Variants in DDR2 observed in about 807,000 individuals in gnomAD.
The protein encoded by DDR2 is discoidin domain-containing receptor 2.
Under a neutral mutation model 94.9 loss-of-function variants are expected in DDR2, and 27 were observed. The observed-to-expected ratio is 0.28, with a 90% CI of 0.21 to 0.39. The LOEUF (loss-of-function observed/expected upper bound fraction) is 0.39. Among genes scored for constraint, DDR2 ranks in the 10% least tolerant of loss-of-function variants. DDR2 has a pLI of 1.00. For missense variants in DDR2, 783 were observed against 1,076.0 expected, an observed-to-expected ratio of 0.73 and a Z score of 3.81; for synonymous variants, 382 against 377.2, an observed-to-expected ratio of 1.01 and a Z score of -0.15.
chr1:162,719,099 C>T lies in DDR2; in HGVS notation c.36C>T (p.Phe12=). 1 of 1,613,866 alleles carries T rather than the reference C, an allele frequency of 6.2e-7. No individual in the cohort carries two copies. The highest frequency in any genetic ancestry group is 8.5e-7 in the Non-Finnish European group (1 of 1,179,818). The stretch of plus-strand genomic sequence containing the variant: ...TTCCCAGAATGCTCTTGGTGCTGTT[C>T]CTGCTGCTGCCTATCTTGAGTTCTG... ...ILIPRMLLVL[F]LLLPILSSAK... The change falls in exon 3 of 18, where the codon TTC becomes TTT. Residue 12 remains phenylalanine (F), a synonymous_variant. Transcript: ENST00000367921.
In DDR2 at chr1:162,775,707, A is replaced by G. The variant is rs1057519789; in HGVS notation, c.1912A>G (p.Ile638Val). The part of the protein sequence containing the change: ...IMSRLKDPNI[I>V]HLLAVCITDD... ...GTCTCGGCTCAAGGACCCAAACATC[A>G]TCCATCTATTAGCTGTGTGTATCAC... The change falls in exon 15 of 18, where the codon ATC (isoleucine) becomes GTC (valine). Residue 638 changes from isoleucine (I) to valine (V), a missense_variant. Ile to Val is a conservative substitution (Grantham distance 29, BLOSUM62 3). This residue lies in a region of DDR2 where 264 missense variants were observed against 428.2 expected (regional missense o/e 0.62). Coordinates refer to ENST00000367921, the MANE Select transcript of DDR2 (RefSeq NM_006182.4). 2 of 1,614,162 alleles carry G rather than the reference A, an allele frequency of 1.2e-6. No homozygotes were observed. The highest frequency in any genetic ancestry group is 1.7e-6 in the Non-Finnish European group (2 of 1,180,002).
At chr1:162,753,001 C>CCT in intron 3 of DDR2, 94 bp from the exon 4 acceptor site, 1 of 1,094,392 alleles carries the variant, frequency 9.1e-7, no homozygotes, top group South Asian at 1.3e-5. Context: ...TTCTCTTATT[C>CCT]CTTGTTCAAT....
At chr1:162,760,994 G>C (rs1297194415) in intron 8 of DDR2, among the ~76,000 whole-genome samples, 1 of 151,920 alleles carries the variant, frequency 6.6e-6, no homozygotes, top group Non-Finnish European at 1.5e-5. Context: ...AATTGTTTTA[G>C]ATTGTACACT....
chr1:162,766,141 C>A, intron 10 of DDR2, 78 bp downstream of exon 10: 1 of 1,519,134 alleles, frequency 6.6e-7, no homozygotes, highest in Non-Finnish European at 9.1e-7. Context: ...AGTTGCAAAG[C>A]CCTGGCTGTG....
At chr1:162,707,501 T>A (rs755287689) in intron 2 of DDR2, among the ~76,000 whole-genome samples, 12 of 152,238 alleles carry the variant, frequency 7.9e-5, no homozygotes, top group Non-Finnish European at 1.6e-4. Context: ...CTAAAGTCTG[T>A]TATTCATCCA....
chr1:162,653,537 C>T (rs975426968), intron 1 of DDR2, among the ~76,000 whole-genome samples: 7 of 151,510 alleles, frequency 4.6e-5, no homozygotes, highest in Non-Finnish European at 2.9e-5. Context: ...GATCATGGAT[C>T]GTGCCACTGC....
chr1:162,775,163 A>T (rs1647459726), intron 14 of DDR2, among the ~76,000 whole-genome samples: 1 of 152,164 alleles, frequency 6.6e-6, no homozygotes, highest in South Asian at 2.1e-4. Context: ...AAGAAAAGTC[A>T]GTATGAGAAA....
intron 3 of DDR2, among the ~76,000 whole-genome samples, chr1:162,740,055 A>G (rs1662513877): frequency 6.6e-6 from 1 of 152,174 alleles, no homozygotes; most frequent in African/African-American, 2.4e-5. Context: ...ATCTATCTCT[A>G]AAGTTTACCT....
At chr1:162,672,634 C>T (rs1324551172) in intron 2 of DDR2, among the ~76,000 whole-genome samples, 1 of 151,860 alleles carries the variant, frequency 6.6e-6, no homozygotes, top group Non-Finnish European at 1.5e-5. Context: ...ATTAATTGAC[C>T]AAATGTTTTG....
intron 1 of DDR2, among the ~76,000 whole-genome samples, chr1:162,638,766 T>C (rs1656967138): frequency 6.6e-6 from 1 of 152,162 alleles, no homozygotes; most frequent in Admixed American, 6.5e-5. Context: ...TAGTGGGAGC[T>C]AAATTCACTC....
intron 11 of DDR2, among the ~76,000 whole-genome samples, chr1:162,768,956 G>T (rs1395074123): frequency 6.6e-6 from 1 of 152,224 alleles, no homozygotes; most frequent in African/African-American, 2.4e-5. Flanking sequence ...CAGAGTGAGG[G>T]TGGTGGTGAA....
intron 2 of DDR2, among the ~76,000 whole-genome samples, chr1:162,662,380 A>G (rs1658346436): frequency 6.6e-6 from 1 of 152,194 alleles, no homozygotes. Flanking sequence ...TCCAGGTGAC[A>G]TAACCACCCC....
At chr1:162,651,248 G>C (rs191939738) in intron 1 of DDR2, among the ~76,000 whole-genome samples, 8 of 152,098 alleles carry the variant, frequency 5.3e-5, no homozygotes, top group African/African-American at 1.4e-4. Context: ...GGAGCCCTGC[G>C]TTTTCCCACC....
chr1:162,641,725 G>A (rs6674132), intron 1 of DDR2, among the ~76,000 whole-genome samples: 29,130 of 152,126 alleles, frequency 0.19, 3,264 homozygotes, highest in Admixed American at 0.29. Context: ...TGGTTATGCC[G>A]TTAAGATCAG....
intron 11 of DDR2, among the ~76,000 whole-genome samples, chr1:162,768,121 GATGTCCAGTCTTCTATGC>G (rs1167266148): frequency 1.3e-5 from 2 of 152,168 alleles, no homozygotes; most frequent in African/African-American, 4.8e-5. Context: ...TCATACAACT[GATGTCCAGTCTTCTATGC>G]TTTTTCCAAT....
At chr1:162,646,968 GACTC>G (rs548027625) in intron 1 of DDR2, among the ~76,000 whole-genome samples, 250 of 152,256 alleles carry the variant, frequency 1.6e-3, no homozygotes, top group African/African-American at 5.8e-3. Context: ...GTACCTCAAG[GACTC>G]ACTCACTAAA....
intron 17 of DDR2, among the ~76,000 whole-genome samples, chr1:162,779,716 T>C (rs916978975): frequency 1.3e-5 from 2 of 152,158 alleles, no homozygotes; most frequent in African/African-American, 2.4e-5. Flanking sequence ...GTACATGAGA[T>C]AAGTGAGTGG....
intron 13 of DDR2, chr1:162,772,549 G>A: frequency 2.6e-6 from 1 of 386,778 alleles, no homozygotes; most frequent in Non-Finnish European, 4.9e-6. Context: ...TATGGAGGGT[G>A]GGATCCAGAA....
chr1:162,708,619 C>A (rs867138117), intron 2 of DDR2, among the ~76,000 whole-genome samples: 6 of 152,212 alleles, frequency 3.9e-5, no homozygotes, highest in Non-Finnish European at 8.8e-5. Flanking sequence ...TCAGCCCAGG[C>A]TGATTTCTGC....
Sources: gnomAD v4.1 joint callset for allele counts (sites outside exome capture counted in the v4.1 genomes callset) on GRCh38, gnomAD v4.1.1 for gene constraint, gnomAD v4.1.1 regional missense constraint, MANE v1.5 for transcripts, NCBI Gene and HGNC (gene_info 2026-07-23, HGNC 2026-07-21) for gene names.